Variants in ZBTB7C observed in about 807,000 individuals in gnomAD.
The protein encoded by ZBTB7C is zinc finger and BTB domain containing 7C.
A neutral mutation model predicts 25.7 loss-of-function variants in ZBTB7C; 8 were observed. The ratio of observed to expected loss-of-function variants is 0.31; its 90% confidence interval spans 0.18 to 0.56. The LOEUF (loss-of-function observed/expected upper bound fraction) is 0.56. Among genes scored for constraint, ZBTB7C ranks in the 20% least tolerant of loss-of-function variants. The pLI is 0.91. For missense variants in ZBTB7C, 824 were observed against 855.2 expected (o/e 0.96, Z 0.46); for synonymous variants, 394 against 369.0 (o/e 1.07, Z -0.78).
At chr18:48,044,216 T>C (rs1297679246) in intron 3 of ZBTB7C, among the ~76,000 whole-genome samples, 2 of 152,170 alleles carry the variant, frequency 1.3e-5, no homozygotes, top group African/African-American at 2.4e-5. Flanking sequence ...CTCGAGGGCC[T>C]GTGTAGGATT....
rs1458623118 is a variant in ZBTB7C, at chr18:48,040,792, G to T, written c.316C>A (p.His106Asn). ...TLTITAGNVK[H>N]ILNAARMLEI... ...AGCATCCTGGCTGCGTTGAGGATGT[G>T]CTTGACATTGCCAGCGGTGATGGTG... The change falls in exon 4 of 5, where the codon CAC (histidine) becomes AAC (asparagine). Residue 106 changes from histidine (H) to asparagine (N), a missense_variant. His to Asn is a moderately conservative substitution (Grantham distance 68). Coordinates refer to ENST00000590800, the MANE Select transcript of ZBTB7C (RefSeq NM_001318841.2). The T allele has an allele frequency of 1.9e-6, 3 of 1,614,056 alleles. No homozygotes were observed. The highest frequency in any genetic ancestry group is 3.3e-5 in the Admixed American group (2 of 60,026).
intron 2 of ZBTB7C, among the ~76,000 whole-genome samples, chr18:48,291,377 A>G (rs9957779): frequency 0.32 from 49,294 of 152,042 alleles, 8,263 homozygotes; most frequent in African/African-American, 0.41. Context: ...TGGATTCAAC[A>G]AAGCAGCAAC....
chr18:48,249,183 A>AT (rs902002261), intron 2 of ZBTB7C, among the ~76,000 whole-genome samples: 2 of 152,200 alleles, frequency 1.3e-5, no homozygotes, highest in Non-Finnish European at 2.9e-5. Context: ...ATTAAATAAT[A>AT]TTTTTGCAAA....
chr18:48,295,609 C>G lies in ZBTB7C; in HGVS notation c.-79+42565G>C, dbSNP rs529622040. Among the ~76,000 whole-genome samples the G allele has an allele frequency of 2.6e-5, 4 of 152,274 alleles. No individual in the cohort carries two copies. The East Asian group carries it at 7.7e-4, about 29-fold the overall frequency. On this transcript the variant is annotated intron_variant, in intron 2 of 4. Transcript: ENST00000590800. ...CAATTGACCCACCCGCTGCCACACA[C>G]AAGCAACTCTTGGTGGTCAAATTCA...
At position 48,029,561 on chromosome 18, in the gene ZBTB7C, C is replaced by T; in HGVS notation, c.1559G>A (p.Gly520Asp). 6.6e-7 allele frequency: 1 copy of T among 1,525,716 alleles called. No homozygotes were observed. The highest frequency in any genetic ancestry group is 2.5e-5 in the East Asian group (1 of 40,518). The allele number at this position is 1,525,716 out of a possible 1,614,324, so 94.5% of individuals were successfully genotyped here. ...ALGEVGGHLG[G>D]AAVCLPGPSP... Reference sequence around the variant, plus strand: ...GGGGCCCGGGAGGCACACAGCTGCGCCGCCCAGGTGGCCGCCCACCTCGCC... The same window carrying T: ...GGGGCCCGGGAGGCACACAGCTGCGTCGCCCAGGTGGCCGCCCACCTCGCC... Residue 520 changes from glycine (G) to aspartate (D), a missense_variant, in exon 5 of 5, where the codon GGC (glycine) becomes GAC (aspartate). This residue lies in a region of ZBTB7C where 342 missense variants were observed against 307.0 expected (regional missense o/e 1.11). Coordinates refer to ENST00000590800, the MANE Select transcript of ZBTB7C (RefSeq NM_001318841.2).
chr18:48,298,003 G>A (rs538488955), intron 2 of ZBTB7C, among the ~76,000 whole-genome samples: 2 of 152,228 alleles, frequency 1.3e-5, no homozygotes, highest in African/African-American at 2.4e-5. Flanking sequence ...AGTTGAGGCC[G>A]GGCGCAGTGG....
chr18:48,157,573 A>T (rs1445825052), intron 3 of ZBTB7C, among the ~76,000 whole-genome samples: 1 of 152,172 alleles, frequency 6.6e-6, no homozygotes, highest in African/African-American at 2.4e-5. Flanking sequence ...TACTTGTCAA[A>T]ATGGCAAGAA....
chr18:48,377,255 G>T (rs1426994205), intron 1 of ZBTB7C, among the ~76,000 whole-genome samples: 3 of 152,252 alleles, frequency 2.0e-5, no homozygotes, highest in Non-Finnish European at 2.9e-5. Context: ...TGGGTCAGGT[G>T]CTGGAGATCT....
intron 3 of ZBTB7C, among the ~76,000 whole-genome samples, chr18:48,098,976 A>G (rs1292631602): frequency 3.3e-5 from 5 of 152,202 alleles, no homozygotes; most frequent in Non-Finnish European, 7.3e-5. Context: ...TGCTGAGCGG[A>G]GGCAGTGGCA....
rs189660097 is a variant in ZBTB7C at position 48,287,519 on chromosome 18, T to C, written c.-79+50655A>G. Among the ~76,000 whole-genome samples, 60 of 152,306 alleles carry C rather than the reference T, an allele frequency of 3.9e-4. No individual in the cohort carries two copies. In the Middle Eastern group the frequency reaches 0.017, roughly 43 times the overall value. The stretch of plus-strand genomic sequence containing the variant: ...AATGAGTAAACCATTTTATCTTATA[T>C]ATAATCTTCCTAGAGCATAAAAAAT... On this transcript the variant is annotated intron_variant, in intron 2 of 4. Coordinates refer to ENST00000590800, the MANE Select transcript of ZBTB7C (RefSeq NM_001318841.2).
intron 3 of ZBTB7C, among the ~76,000 whole-genome samples, chr18:48,097,382 GTTATTA>G (rs1555691088): frequency 0.19 from 27,900 of 144,880 alleles, 2,851 homozygotes; most frequent in Admixed American, 0.25. Flanking sequence ...TATTGTTGTT[GTTATTA>G]TTATTATTAT....
At chr18:48,297,393 C>T (rs1046213963) in intron 2 of ZBTB7C, among the ~76,000 whole-genome samples, 1 of 152,134 alleles carries the variant, frequency 6.6e-6, no homozygotes, top group Non-Finnish European at 1.5e-5. Flanking sequence ...CCTGAGGGCC[C>T]GTTTCTGGTC....
intron 3 of ZBTB7C, among the ~76,000 whole-genome samples, chr18:48,049,889 C>A (rs1385426632): frequency 6.6e-6 from 1 of 151,910 alleles, no homozygotes; most frequent in Non-Finnish European, 1.5e-5. Flanking sequence ...TCTGCCAAAT[C>A]CCCAGGGCAA....
intron 3 of ZBTB7C, among the ~76,000 whole-genome samples, chr18:48,162,090 C>A (rs2041077322): frequency 6.6e-6 from 1 of 152,098 alleles, no homozygotes; most frequent in Non-Finnish European, 1.5e-5. Flanking sequence ...AGAGCCAGAC[C>A]CCCCGCCGCC....
intron 3 of ZBTB7C, among the ~76,000 whole-genome samples, chr18:48,129,560 A>T (rs2039920802): frequency 1.3e-5 from 2 of 152,130 alleles, no homozygotes; most frequent in African/African-American, 4.8e-5. Context: ...GTGAAACTTC[A>T]AGGTTTTTCC....
intron 4 of ZBTB7C, 98 bp from the exon 5 acceptor site, chr18:48,030,009 A>T: frequency 6.6e-7 from 1 of 1,519,950 alleles, no homozygotes; most frequent in Non-Finnish European, 8.9e-7. Context: ...GAGGCTCCCT[A>T]CTGCCATGGA....
At chr18:48,202,715 A>G (rs1401110325) in intron 2 of ZBTB7C, among the ~76,000 whole-genome samples, 1 of 150,748 alleles carries the variant, frequency 6.6e-6, no homozygotes, top group African/African-American at 2.4e-5. Context: ...ATGGGAGGAC[A>G]TAGAAGGCCA....
chr18:48,110,331 C>G (rs36055075), intron 3 of ZBTB7C, among the ~76,000 whole-genome samples: 3 of 87,266 alleles, frequency 3.4e-5, no homozygotes, highest in African/African-American at 1.2e-4. Flanking sequence ...CCCTACCCCC[C>G]CACCTGGTTC....
chr18:48,374,535 A>G (rs2047469468), intron 1 of ZBTB7C, among the ~76,000 whole-genome samples: 1 of 152,196 alleles, frequency 6.6e-6, no homozygotes. Flanking sequence ...GAGCACTGGC[A>G]AGGATGCCTC....
Sources: gnomAD v4.1 joint callset for allele counts (sites outside exome capture counted in the v4.1 genomes callset) on GRCh38, gnomAD v4.1.1 for gene constraint, gnomAD v4.1.1 regional missense constraint, MANE v1.5 for transcripts, NCBI Gene and HGNC (gene_info 2026-07-23, HGNC 2026-07-21) for gene names.